SPATS2: variants seen among roughly 807,000 people sequenced by gnomAD.
The protein encoded by SPATS2 is spermatogenesis-associated serine-rich protein 2.
SPATS2 carries 38 observed loss-of-function variants against 63.7 expected under a neutral mutation model. The observed-to-expected ratio is 0.60, with a 90% confidence interval of 0.46 to 0.78. SPATS2 has a LOEUF of 0.78. SPATS2 is among the 30% of genes least tolerant of loss of function. SPATS2 has a pLI of 0.00. For synonymous variants in SPATS2, 207 were observed against 232.9 expected (o/e 0.89, Z 1.01); for missense variants, 588 against 666.2 (o/e 0.88, Z 1.29).
At chr12:49,447,519 G>T (rs1348901904) in intron 2 of SPATS2, among the ~76,000 whole-genome samples, 1 of 152,222 alleles carries the variant, frequency 6.6e-6, no homozygotes, top group African/African-American at 2.4e-5. Context: ...TTACAGGCGT[G>T]AGCCACTGTG....
chr12:49,389,711 A>T, intron 2 of SPATS2: 1 of 1,549,246 alleles, frequency 6.5e-7, no homozygotes. Context: ...GGTCCACGTT[A>T]GTTATGGGAA....
At chr12:49,435,208 T>A (rs558389528) in intron 2 of SPATS2, among the ~76,000 whole-genome samples, 1 of 151,944 alleles carries the variant, frequency 6.6e-6, no homozygotes, top group East Asian at 1.9e-4. Flanking sequence ...TTTTTTGTAT[T>A]TTTAGTAGAG....
At chr12:49,398,701 G>A (rs952349729) in intron 2 of SPATS2, among the ~76,000 whole-genome samples, 8 of 152,220 alleles carry the variant, frequency 5.3e-5, no homozygotes, top group South Asian at 4.2e-4. Context: ...TTGGATTACG[G>A]ATATTCTTTT....
At chr12:49,394,886 A>G (rs1944482260) in intron 2 of SPATS2, among the ~76,000 whole-genome samples, 1 of 151,644 alleles carries the variant, frequency 6.6e-6, no homozygotes, top group South Asian at 2.1e-4. Flanking sequence ...AGCCTGGCCA[A>G]CATAACCCTG....
chr12:49,374,561 C>A (rs561415111), intron 2 of SPATS2, among the ~76,000 whole-genome samples: 1 of 152,268 alleles, frequency 6.6e-6, no homozygotes, highest in South Asian at 2.1e-4. Context: ...TATACAGATT[C>A]TTCAGTAGTT....
chr12:49,371,641 G>A (rs1298885297), intron 2 of SPATS2, among the ~76,000 whole-genome samples: 3 of 152,168 alleles, frequency 2.0e-5, no homozygotes. Flanking sequence ...TCTGCAGGCT[G>A]TACAGGAAGC....
chr12:49,510,562 CAAAAA>C (rs1270614197), intron 9 of SPATS2, among the ~76,000 whole-genome samples: 4 of 88,440 alleles, frequency 4.5e-5, no homozygotes, highest in Non-Finnish European at 2.6e-5. Context: ...GACCCTGTCT[CAAAAA>C]AAAAAAAAAA....
At position 49,367,562 on chromosome 12, in the gene SPATS2, G is replaced by C; in HGVS notation, c.-332G>C. ...ACGCGGAGCCCGGAGCTGGGGCGAC[G>C]AGGCGATTGCGGGGGCCTGGGCTAG... On this transcript the variant is annotated 5_prime_UTR_variant, in exon 1 of 14. Transcript: ENST00000552918. 2.5e-6 allele frequency: 1 copy of C among 398,460 alleles called. No individual in the cohort carries two copies. The highest frequency in any genetic ancestry group is 4.4e-6 in the Non-Finnish European group (1 of 226,208). The allele number at this position is 398,460 out of a possible 1,614,324, so 24.7% of individuals were successfully genotyped here.
At chr12:49,486,460 A>G (rs1946295746) in intron 4 of SPATS2, 2 of 269,228 alleles carry the variant, frequency 7.4e-6, no homozygotes, top group South Asian at 3.3e-5. Context: ...CGGCCTCCCA[A>G]AGTGCTGGGA....
chr12:49,402,205 G>A (rs183212442), intron 2 of SPATS2, among the ~76,000 whole-genome samples: 6 of 152,266 alleles, frequency 3.9e-5, no homozygotes, highest in African/African-American at 1.2e-4. Context: ...TCTTAACAGG[G>A]GTTGTATTTA....
chr12:49,412,291 T>C (rs1592371934), intron 2 of SPATS2, among the ~76,000 whole-genome samples: 1 of 151,878 alleles, frequency 6.6e-6, no homozygotes, highest in Non-Finnish European at 1.5e-5. Flanking sequence ...GCCTCCTGGG[T>C]TCAAGCGATT....
rs867748652 is a variant in SPATS2, at chr12:49,402,393, G to T, written c.-244+31103G>T. On this transcript the variant is annotated intron_variant, in intron 2 of 13. Transcript: ENST00000552918. ...CTTATAAATCCTGGTGGGGTCAAAG[G>T]ATTTTTAGAGTTAGGGTGCTAGATG... is the stretch of plus-strand genomic sequence containing the variant. Among the ~76,000 whole-genome samples, 16 of 152,260 alleles carry T rather than the reference G, an allele frequency of 1.1e-4. No homozygotes were observed. In the Middle Eastern group the frequency reaches 0.017, roughly 162 times the overall value.
intron 2 of SPATS2, among the ~76,000 whole-genome samples, chr12:49,372,940 TTGTGTGTGTGTGTGTGTGTGTGTGTG>T (rs56940721): frequency 3.8e-5 from 5 of 130,048 alleles, no homozygotes; most frequent in South Asian, 2.8e-4. Context: ...ATTTTCTGTT[TTGTGTGTGTGTGTGTGTGTGTGTGTG>T]TGTGTGTGTG....
chr12:49,508,076 C>T (rs1317515422), intron 9 of SPATS2, among the ~76,000 whole-genome samples: 4 of 152,170 alleles, frequency 2.6e-5, no homozygotes, highest in South Asian at 4.2e-4. Flanking sequence ...GATACTTTTC[C>T]ACTACACCAT....
intron 3 of SPATS2, among the ~76,000 whole-genome samples, chr12:49,464,534 G>A (rs1945876103): frequency 6.6e-6 from 1 of 151,434 alleles, no homozygotes; most frequent in East Asian, 1.9e-4. Context: ...GGCTGAGGCA[G>A]GAGAATCGCT....
At chr12:49,420,934 G>C (rs1347003303) in intron 2 of SPATS2, among the ~76,000 whole-genome samples, 1 of 152,104 alleles carries the variant, frequency 6.6e-6, no homozygotes, top group East Asian at 1.9e-4. Flanking sequence ...TTGAACTCAG[G>C]AATTAAAGGC....
At chr12:49,448,630 A>G (rs185517917) in intron 2 of SPATS2, among the ~76,000 whole-genome samples, 4 of 150,178 alleles carry the variant, frequency 2.7e-5, no homozygotes, top group Admixed American at 2.0e-4. Context: ...AGTCGCAACT[A>G]CTTGGGAGGC....
In SPATS2 at chr12:49,460,835, A is replaced by C; in HGVS notation, c.-178A>C. 1.6e-6 allele frequency: 1 copy of C among 641,250 alleles called. No individual in the cohort carries two copies. Among genetic ancestry groups the C allele is most frequent in the South Asian group, 1.8e-5 (1 of 54,840 alleles). The allele number at this position is 641,250 out of a possible 1,614,324, so 39.7% of individuals were successfully genotyped here. A position where few individuals can be genotyped will look rare whatever the true frequency, so the allele number is the denominator to read the frequency against. On this transcript the variant is annotated 5_prime_UTR_variant, in exon 3 of 14. Transcript: ENST00000552918. ...CTTCCTGACAAGAAGTTGATACAAGAAAAGGAAAGGAGATTAACAGCTAGT... is the reference window on the plus strand; with the variant it reads ...CTTCCTGACAAGAAGTTGATACAAGCAAAGGAAAGGAGATTAACAGCTAGT...
At chr12:49,436,855 G>A (rs1424093669) in intron 2 of SPATS2, among the ~76,000 whole-genome samples, 4 of 141,426 alleles carry the variant, frequency 2.8e-5, no homozygotes, top group African/African-American at 5.3e-5. Context: ...CTGTCCGGGC[G>A]GGGGGCTGAC....
Sources: allele counts gnomAD v4.1 joint callset (sites outside exome capture counted in the v4.1 genomes callset), GRCh38; gene constraint gnomAD v4.1.1; transcripts MANE v1.5; gene names NCBI Gene and HGNC (gene_info 2026-07-23, HGNC 2026-07-21).